The following PCCB variants were observed in gnomAD, a reference collection of about 807,000 sequenced individuals.
PCCB encodes propionyl-CoA carboxylase subunit beta.
PCCB carries 43 observed loss-of-function variants against 60.7 expected under a neutral mutation model. The ratio of observed to expected loss-of-function variants is 0.71; its 90% CI spans 0.55 to 0.91. The LOEUF is 0.91. Ranked by LOEUF, PCCB falls within the 40% of genes least tolerant of loss-of-function variation. PCCB has a pLI of 0.00. For synonymous variants in PCCB, 276 were observed against 255.9 expected, an observed-to-expected ratio of 1.08 and a Z score of -0.75; for missense variants, 766 against 702.8, an observed-to-expected ratio of 1.09 and a Z score of -1.02.
intron 9 of PCCB, among the ~76,000 whole-genome samples, chr3:136,308,386 C>T (rs868204591): frequency 6.6e-6 from 1 of 151,948 alleles, no homozygotes; most frequent in African/African-American, 2.4e-5. Flanking sequence ...CTGCTAAAAG[C>T]CATAGTTCAC....
chr3:136,325,350 T>TC (rs1935266476), intron 10 of PCCB, among the ~76,000 whole-genome samples: 1 of 151,886 alleles, frequency 6.6e-6, no homozygotes, highest in Non-Finnish European at 1.5e-5. Context: ...CTTGCCTATT[T>TC]ATTTCCTTTC....
At chr3:136,327,842 GC>G in intron 13 of PCCB, 110 bp downstream of exon 13, 1 of 868,166 alleles carries the variant, frequency 1.2e-6, no homozygotes, top group Non-Finnish European at 1.9e-6. Flanking sequence ...CCTAGGTTGA[GC>G]CAGGACTGAG....
chr3:136,281,110 C>G (rs1307007570), intron 5 of PCCB, among the ~76,000 whole-genome samples: 2 of 151,666 alleles, frequency 1.3e-5, no homozygotes, highest in African/African-American at 4.8e-5. Context: ...GTGTAGATCT[C>G]TTTGAGTTCA....
chr3:136,278,526 A>C (rs1007767713), intron 5 of PCCB, among the ~76,000 whole-genome samples: 12 of 151,758 alleles, frequency 7.9e-5, no homozygotes, highest in African/African-American at 2.9e-4. Flanking sequence ...GTATTTTCTA[A>C]CTTCTCTTGT....
rs1211001673 is a variant in PCCB, at chr3:136,326,525, C to T, written c.1091-278C>T. Reference sequence around the variant, plus strand: ...GCTGCCTCCCACTGATGGCTCCCTGCGGCAAGGCCGGCTGTGTCTCAGCTG... The same window carrying T: ...GCTGCCTCCCACTGATGGCTCCCTGTGGCAAGGCCGGCTGTGTCTCAGCTG... On this transcript the variant is annotated intron_variant, in intron 10 of 14. Transcript: ENST00000251654. 38 of 649,028 alleles carry T rather than the reference C, an allele frequency of 5.9e-5. No homozygotes were observed. The East Asian group carries it at 6.2e-4, about 11-fold the overall frequency. The allele number at this position is 649,028 out of a possible 1,614,324, so 40.2% of individuals were successfully genotyped here.
intron 8 of PCCB, among the ~76,000 whole-genome samples, chr3:136,299,211 C>T (rs1934079345): frequency 6.6e-6 from 1 of 151,796 alleles, no homozygotes; most frequent in East Asian, 1.9e-4. Flanking sequence ...TATATGTATA[C>T]ATATATATAT....
intron 6 of PCCB, among the ~76,000 whole-genome samples, chr3:136,287,847 G>A (rs1553778113): frequency 6.6e-6 from 1 of 152,202 alleles, no homozygotes; most frequent in South Asian, 2.1e-4. Flanking sequence ...TTCTATATGT[G>A]TCTTGGTGCG....
At chr3:136,270,664 C>G (rs1322815955) in intron 5 of PCCB, among the ~76,000 whole-genome samples, 4 of 152,182 alleles carry the variant, frequency 2.6e-5, no homozygotes, top group African/African-American at 9.7e-5. Context: ...CGCCACTACA[C>G]CCATCTAATT....
chr3:136,290,741 T>A (rs533859101), intron 6 of PCCB, among the ~76,000 whole-genome samples: 1 of 145,938 alleles, frequency 6.9e-6, no homozygotes, highest in Non-Finnish European at 1.5e-5. Flanking sequence ...TGGTTTGGTG[T>A]CTGACAATTT....
rs1157323383 is a variant in PCCB at position 136,283,920 on chromosome 3, C to T, written c.627C>T (p.Ala209=). The T allele has an allele frequency of 1.2e-6, 2 of 1,611,840 alleles. No homozygotes were observed. The highest frequency in any genetic ancestry group is 2.7e-5 in the African/African-American group (2 of 74,862). ...CTGGTGGGGCCGTCTACTCCCCAGC[C>T]CTAACAGACTTCACGTTCATGGTAA... ...PCAGGAVYSP[A]LTDFTFMVKD... The change falls in exon 6 of 15, where the codon GCC becomes GCT. Residue 209 remains alanine (A), a synonymous_variant. Coordinates refer to ENST00000251654, the MANE Select transcript of PCCB (RefSeq NM_000532.5).
chr3:136,323,818 A>AC (rs1245646742), intron 10 of PCCB, among the ~76,000 whole-genome samples: 1 of 151,880 alleles, frequency 6.6e-6, no homozygotes, highest in Non-Finnish European at 1.5e-5. Flanking sequence ...AAAAAAAAAA[A>AC]AAAAACCCAC....
Position 136,326,881 on chromosome 3 carries a change from CTT to C in PCCB, c.1172_1173del (p.Phe391CysfsTer2), listed in dbSNP as rs587776758. 1.2e-6 allele frequency: 2 copies of C among 1,612,134 alleles called. No individual in the cohort carries two copies. The highest frequency in any genetic ancestry group is 1.7e-6 in the Non-Finnish European group (2 of 1,178,150). On this transcript the variant is annotated frameshift_variant, in exon 11 of 15. Transcript: ENST00000251654. LOFTEE classifies it high-confidence loss of function. ...GATGCATTCAATATTCCACTCATCACTTTTGTTGATGTCCCTGGCTTTCTACC... is the reference window on the plus strand; with the variant it reads ...GATGCATTCAATATTCCACTCATCACTTGTTGATGTCCCTGGCTTTCTACC...
chr3:136,256,633 A>T lies in PCCB; in HGVS notation c.372+10A>T. The T allele has an allele frequency of 1.3e-6, 2 of 1,589,104 alleles. No individual in the cohort carries two copies. Among genetic ancestry groups the T allele is most frequent in the Non-Finnish European group, 1.7e-6 (2 of 1,157,186 alleles). The stretch of plus-strand genomic sequence containing the variant: ...TTATGTCTTCAGTCAGGTATTTCAT[A>T]ACTCCAATAGTCTGAACTTTTCTTG... On this transcript the variant is annotated intron_variant, in intron 3 of 14. Transcript: ENST00000251654.
intron 13 of PCCB, 80 bp downstream of exon 13, chr3:136,327,812 G>A: frequency 8.6e-7 from 1 of 1,156,240 alleles, no homozygotes. Context: ...GCTGGGAAAT[G>A]TTGGAGAGAG....
At chr3:136,280,448 T>C (rs1029968566) in intron 5 of PCCB, among the ~76,000 whole-genome samples, 1 of 152,082 alleles carries the variant, frequency 6.6e-6, no homozygotes, top group Non-Finnish European at 1.5e-5. Flanking sequence ...CAGGCTCAAA[T>C]GATTCTCCCT....
At chr3:136,256,158 G>A in intron 2 of PCCB, 183 bp downstream of exon 2, 2 of 841,756 alleles carry the variant, frequency 2.4e-6, no homozygotes, top group South Asian at 1.7e-5. Flanking sequence ...GGTCAGGCTG[G>A]CCTTGAACTC....
intron 9 of PCCB, among the ~76,000 whole-genome samples, chr3:136,311,893 A>T (rs557106786): frequency 6.6e-6 from 1 of 152,246 alleles, no homozygotes; most frequent in Non-Finnish European, 1.5e-5. Flanking sequence ...AAGTTGTTCT[A>T]TAAATTTAAG....
At chr3:136,302,673 C>T (rs1479309037) in intron 9 of PCCB, among the ~76,000 whole-genome samples, 1 of 117,768 alleles carries the variant, frequency 8.5e-6, no homozygotes, top group Non-Finnish European at 1.9e-5. Context: ...GTTAACTCGT[C>T]ATTTAGCATT....
chr3:136,302,383 G>T (rs1934322176), intron 9 of PCCB, among the ~76,000 whole-genome samples: 1 of 120,616 alleles, frequency 8.3e-6, no homozygotes, highest in African/African-American at 2.5e-5. Flanking sequence ...TTGTTGCCTG[G>T]GTGGGGAGAC....
Sources: allele counts gnomAD v4.1 joint callset (sites outside exome capture counted in the v4.1 genomes callset), GRCh38; gene constraint gnomAD v4.1.1; transcripts MANE v1.5; gene names NCBI Gene and HGNC (gene_info 2026-07-23, HGNC 2026-07-21).